The following DAB1 variants were observed in gnomAD, a reference collection of about 807,000 sequenced individuals.
DAB1 encodes the protein disabled homolog 1.
In DAB1, 15 loss-of-function variants were observed where a neutral mutation model predicts 64.6. That is an observed-to-expected ratio of 0.23 (90% CI 0.16 to 0.36). The LOEUF is 0.36. DAB1 is among the 10% of genes least tolerant of loss of function. The pLI is 1.00. For missense variants in DAB1, 596 were observed against 706.7 expected, an observed-to-expected ratio of 0.84 and a Z score of 1.78; for synonymous variants, 235 against 251.9, an observed-to-expected ratio of 0.93 and a Z score of 0.64.
At chr1:58,543,854 A>T (rs932307563) in intron 1 of DAB1, among the ~76,000 whole-genome samples, 1 of 152,240 alleles carries the variant, frequency 6.6e-6, no homozygotes, top group Non-Finnish European at 1.5e-5. Context: ...AATGATAAAA[A>T]TGTTCATGTC....
At chr1:57,833,696 C>T (rs1652688612) in intron 1 of DAB1, among the ~76,000 whole-genome samples, 1 of 152,182 alleles carries the variant, frequency 6.6e-6, no homozygotes, top group Non-Finnish European at 1.5e-5. Context: ...GCAATATTTT[C>T]TCATGAGGAG....
chr1:58,074,564 G>GTGTGTATATACATATA (rs1332531604), intron 5 of DAB1: 1 of 91,632 alleles, frequency 1.1e-5, no homozygotes, highest in African/African-American at 4.4e-5. Context: ...ATATATGTGT[G>GTGTGTATATACATATA]TATATATATA....
intron 3 of DAB1, among the ~76,000 whole-genome samples, chr1:58,410,477 C>G (rs1158121031): frequency 6.6e-6 from 1 of 152,170 alleles, no homozygotes; most frequent in African/African-American, 2.4e-5. Context: ...TGACTTCTAC[C>G]ACTGAATGCA....
chr1:57,104,679 C>T (rs1287454672), intron 4 of DAB1, among the ~76,000 whole-genome samples: 1 of 152,072 alleles, frequency 6.6e-6, no homozygotes, highest in East Asian at 1.9e-4. Flanking sequence ...ATGACAGCTG[C>T]CCCAAAACAA....
intron 6 of DAB1, among the ~76,000 whole-genome samples, chr1:57,672,532 C>T (rs559572909): frequency 6.6e-6 from 1 of 152,256 alleles, no homozygotes; most frequent in Non-Finnish European, 1.5e-5. Flanking sequence ...AAGGCTGTCA[C>T]CTATAGTCAA....
At chr1:58,387,672 T>C (rs1005093038) in intron 3 of DAB1, among the ~76,000 whole-genome samples, 1 of 151,894 alleles carries the variant, frequency 6.6e-6, no homozygotes, top group Non-Finnish European at 1.5e-5. Context: ...TAATCTTTCC[T>C]GGTTATTTGA....
intron 5 of DAB1, among the ~76,000 whole-genome samples, chr1:58,011,182 T>C (rs778785058): frequency 1.3e-5 from 2 of 152,124 alleles, no homozygotes; most frequent in Non-Finnish European, 2.9e-5. Flanking sequence ...CCTCAGGGGC[T>C]AGGAAAAGGA....
chr1:57,843,071 T>C (rs1419425764), intron 1 of DAB1, among the ~76,000 whole-genome samples: 1 of 152,110 alleles, frequency 6.6e-6, no homozygotes, highest in Non-Finnish European at 1.5e-5. Context: ...ATACCACATA[T>C]CACTAGAATG....
chr1:57,536,794 C>G (rs772947613), intron 7 of DAB1, among the ~76,000 whole-genome samples: 15 of 152,284 alleles, frequency 9.9e-5, no homozygotes, highest in Non-Finnish European at 1.3e-4. Flanking sequence ...ACTCCCACCC[C>G]CGCCAGCCTA....
chr1:57,329,039 C>A (rs1165641372), intron 1 of DAB1, among the ~76,000 whole-genome samples: 1 of 152,188 alleles, frequency 6.6e-6, no homozygotes, highest in Non-Finnish European at 1.5e-5. Context: ...GATCTTCCTG[C>A]ATTAGAAAAT....
chr1:57,080,154 A>G (rs574057263), intron 4 of DAB1, among the ~76,000 whole-genome samples: 5 of 152,310 alleles, frequency 3.3e-5, no homozygotes, highest in African/African-American at 1.2e-4. Flanking sequence ...TTCTGCAACT[A>G]TCACTGCCAT....
intron 1 of DAB1, among the ~76,000 whole-genome samples, chr1:57,412,965 G>T (rs1489842731): frequency 6.6e-6 from 1 of 152,176 alleles, no homozygotes; most frequent in Non-Finnish European, 1.5e-5. Context: ...AGAGGTCAAT[G>T]CCTGATTTCA....
chr1:57,092,222 T>A (rs1000969373), intron 4 of DAB1, among the ~76,000 whole-genome samples: 1 of 152,136 alleles, frequency 6.6e-6, no homozygotes, highest in African/African-American at 2.4e-5. Flanking sequence ...ACTTCCTGCG[T>A]TTCAAGCACC....
chr1:57,700,603 C>T (rs1225202419), intron 6 of DAB1, among the ~76,000 whole-genome samples: 1 of 152,150 alleles, frequency 6.6e-6, no homozygotes, highest in Non-Finnish European at 1.5e-5. Context: ...TCTCTTTCTG[C>T]TTTTAGTATC....
At chr1:57,756,905 G>A (rs987747518) in intron 6 of DAB1, among the ~76,000 whole-genome samples, 3 of 152,100 alleles carry the variant, frequency 2.0e-5, no homozygotes, top group East Asian at 1.9e-4. Flanking sequence ...AAGGAAGGAT[G>A]CTGAGCAGAA....
At chr1:58,054,262 TC>T (rs1285585685) in intron 5 of DAB1, among the ~76,000 whole-genome samples, 3 of 152,176 alleles carry the variant, frequency 2.0e-5, no homozygotes, top group Non-Finnish European at 2.9e-5. Flanking sequence ...ACAGAATAAC[TC>T]CTATATCTAC....
intron 7 of DAB1, among the ~76,000 whole-genome samples, chr1:57,461,053 C>T (rs1216582822): frequency 6.6e-6 from 1 of 152,150 alleles, no homozygotes; most frequent in East Asian, 1.9e-4. Flanking sequence ...CCTTCCTTCC[C>T]CTGCCCTTAT....
intron 6 of DAB1, among the ~76,000 whole-genome samples, chr1:57,794,033 T>C (rs11207108): frequency 0.15 from 22,651 of 152,158 alleles, 2,326 homozygotes; most frequent in Admixed American, 0.3. Context: ...AGGCTCCTCA[T>C]TGATCTTGCC....
intron 5 of DAB1, among the ~76,000 whole-genome samples, chr1:58,128,905 G>C (rs1200875013): frequency 6.7e-6 from 1 of 148,960 alleles, no homozygotes; most frequent in East Asian, 2.0e-4. Context: ...CAAGGATATT[G>C]GTCTAAAATT....
Sources: allele counts gnomAD v4.1 joint callset (sites outside exome capture counted in the v4.1 genomes callset), GRCh38; gene constraint gnomAD v4.1.1; transcripts MANE v1.5; gene names NCBI Gene and HGNC (gene_info 2026-07-23, HGNC 2026-07-21).